The following ADGRG1 variants were observed in gnomAD, a reference collection of about 807,000 sequenced individuals.
ADGRG1 encodes adhesion G protein-coupled receptor G1.
In ADGRG1, 53 loss-of-function variants were observed where a neutral mutation model predicts 73.5. That is an observed-to-expected ratio of 0.72 (90% confidence interval 0.58 to 0.91). The LOEUF is 0.91. ADGRG1 is among the 40% of genes least tolerant of loss of function. ADGRG1 has a pLI of 0.00. For missense variants in ADGRG1, 795 were observed against 871.8 expected, an observed-to-expected ratio of 0.91 and a Z score of 1.11; for synonymous variants, 394 against 374.4, an observed-to-expected ratio of 1.05 and a Z score of -0.60.
At chr16:57,652,734 A>T (rs2044407660) in intron 3 of ADGRG1, 3 of 1,014,552 alleles carry the variant, frequency 3.0e-6, no homozygotes, top group Non-Finnish European at 3.5e-6. Flanking sequence ...TGTCTTCCTC[A>T]TCTGAGTCCC....
Position 57,650,709 on chromosome 16 carries a change from C to CTTTT in ADGRG1, c.64+372_64+375dup, listed in dbSNP as rs533496874. The stretch of plus-strand genomic sequence containing the variant: ...AATTACTATTCGTTTTCAGTTTCCT[C>CTTTT]TTTTTTTTTTTTTTTTTGAGACGGA... On this transcript the variant is annotated intron_variant, in intron 2 of 13. Transcript: ENST00000562631. Among the ~76,000 whole-genome samples the CTTTT allele has an allele frequency of 1.7e-3, 219 of 128,938 alleles. 3 individuals carry two copies. The highest frequency in any genetic ancestry group is 5.6e-3 in the African/African-American group (188 of 33,336). 84.6% of individuals were successfully genotyped at this position (128,938 alleles called of 152,430 possible). A position where few individuals can be genotyped will look rare whatever the true frequency, so the allele number is the denominator to read the frequency against.
chr16:57,657,588 TG>T (rs2046057496), intron 10 of ADGRG1, 97 bp downstream of exon 10: 1 of 952,082 alleles, frequency 1.1e-6, no homozygotes, highest in African/African-American at 1.6e-5. Context: ...CCCGCCCGCA[TG>T]ACCTGGAACT....
intron 1 of ADGRG1, among the ~76,000 whole-genome samples, chr16:57,644,561 A>G (rs2041873595): frequency 7.0e-6 from 1 of 143,336 alleles, no homozygotes; most frequent in African/African-American, 2.6e-5. Context: ...GCACACACGG[A>G]CACTTATGCA....
At chr16:57,620,520 C>T (rs1229132678), upstream of ADGRG1, among the ~76,000 whole-genome samples, 18 of 152,172 alleles carry the variant, frequency 1.2e-4, no homozygotes, top group Admixed American at 7.2e-4. Flanking sequence ...CTTTCCGCAG[C>T]GCCCTGAGCA....
In ADGRG1 at chr16:57,631,347, T is replaced by A. The variant is rs113118828; in HGVS notation, c.-36+2545T>A. 3.0e-4 allele frequency: 293 copies of A among 985,696 alleles called. No homozygotes were observed. The African/African-American group carries it at 4.9e-3, about 17-fold the overall frequency. The allele number at this position is 985,696 out of a possible 1,614,324, so 61.1% of individuals were successfully genotyped here. On this transcript the variant is annotated intron_variant, in intron 1 of 13. Coordinates refer to ENST00000562631, the MANE Select transcript of ADGRG1 (RefSeq NM_201525.4). ...CCGGACTGGGATGCGGGTTCCGCCA[T>A]CCTGTGCAGAAGCTGTGTGCAGGTG...
chr16:57,643,973 G>A (rs935743), intron 1 of ADGRG1: 148,837 of 983,792 alleles, frequency 0.15, 12,521 homozygotes, highest in African/African-American at 0.33. Flanking sequence ...TGAGCTGTTG[G>A]GTACATGCTA....
chr16:57,626,108 C>T (rs772299704), upstream of ADGRG1, among the ~76,000 whole-genome samples: 14 of 152,256 alleles, frequency 9.2e-5, no homozygotes, highest in East Asian at 3.9e-4. Context: ...TAGCAGGGGC[C>T]GGATATCTGG....
At chr16:57,660,267 T>C in intron 11 of ADGRG1, 1 of 985,360 alleles carries the variant, frequency 1.0e-6, no homozygotes, top group Non-Finnish European at 1.2e-6. Context: ...GGGTTTGTCA[T>C]TGGGCCCCTT....
In ADGRG1 at chr16:57,656,208, C is replaced by G. The variant is rs2045692887; in HGVS notation, c.1018-18C>G. On this transcript the variant is annotated intron_variant, in intron 7 of 13. Coordinates refer to ENST00000562631, the MANE Select transcript of ADGRG1 (RefSeq NM_201525.4). ...GGGGGGCTGTCACAGAAACCACTCT[C>G]CTTTCTTGTCCCTACAGAAGAATGT... 6.2e-7 allele frequency: 1 copy of G among 1,613,568 alleles called. No homozygotes were observed. Among genetic ancestry groups the G allele is most frequent in the African/African-American group, 1.3e-5 (1 of 74,874 alleles).
Position 57,663,708 on chromosome 16 carries a change from G to A in ADGRG1, c.*126G>A. ...AGACTTTGGAAAGCCCAACGACCATGGAGAGATGGGCCGTTGCCATGGTGG... is the reference window on the plus strand; with the variant it reads ...AGACTTTGGAAAGCCCAACGACCATAGAGAGATGGGCCGTTGCCATGGTGG... On this transcript the variant is annotated 3_prime_UTR_variant, in exon 14 of 14. Coordinates refer to ENST00000562631, the MANE Select transcript of ADGRG1 (RefSeq NM_201525.4). The A allele has an allele frequency of 9.4e-7, 1 of 1,068,730 alleles. No homozygotes were observed. Among genetic ancestry groups the A allele is most frequent in the South Asian group, 1.3e-5 (1 of 75,954 alleles). The allele number at this position is 1,068,730 out of a possible 1,614,324, so 66.2% of individuals were successfully genotyped here. A position where few individuals can be genotyped will look rare whatever the true frequency, so the allele number is the denominator to read the frequency against.
At position 57,642,464 on chromosome 16, in the gene ADGRG1, G is replaced by A. The variant is rs16958544; in HGVS notation, c.-35-7789G>A. 5,756 of 985,296 alleles carry A rather than the reference G, an allele frequency of 5.8e-3. 312 individuals are homozygous for A. The East Asian group carries it at 0.21, about 36-fold the overall frequency. 61.0% of individuals were successfully genotyped at this position (985,296 alleles called of 1,614,324 possible). On this transcript the variant is annotated intron_variant, in intron 1 of 13. Transcript: ENST00000562631. ...AGGTGCTGGCAGGCTTCTGTGTGGC[G>A]TCAAGATTTCTGAGAGCTTTTTTCC...
rs763676980 is a variant in ADGRG1 at position 57,654,145 on chromosome 16, G to A, written c.768+12G>A. On this transcript the variant is annotated intron_variant, in intron 5 of 13. Transcript: ENST00000562631. ...ACTCCCGGCAGGAGGTCAGGGGCAG[G>A]CCTGGGCAGGAAGCAGATGCGGGTT... 12 of 1,609,138 alleles carry A rather than the reference G, an allele frequency of 7.5e-6. No homozygotes were observed. Among genetic ancestry groups the A allele is most frequent in the Admixed American group, 1.7e-5 (1 of 59,990 alleles).
At chr16:57,625,479 A>T (rs140756542), upstream of ADGRG1, 6 of 684,686 alleles carry the variant, frequency 8.8e-6, no homozygotes, top group Admixed American at 3.8e-4. Flanking sequence ...CTTGGACCAA[A>T]GTCTCCTCCC....
In ADGRG1 at chr16:57,651,344, C is replaced by T; in HGVS notation, c.209C>T (p.Pro70Leu). 1 of 1,614,250 alleles carries T rather than the reference C, an allele frequency of 6.2e-7. No homozygotes were observed. The highest frequency in any genetic ancestry group is 1.3e-5 in the African/African-American group (1 of 75,070). Reference protein sequence around the residue: ...NSEEALTVHAPFPAAHPASRS... With the variant: ...NSEEALTVHALFPAAHPASRS... ...GAAGAGGCCCTCACAGTCCATGCCC[C>T]TTTCCCTGCAGCCCACCCTGCTTCC... is the stretch of plus-strand genomic sequence containing the variant. Residue 70 changes from proline to leucine, a missense_variant, in exon 3 of 14, where the codon CCT becomes CTT. Physicochemically the swap from Pro to Leu is moderately conservative, Grantham distance 98. Transcript: ENST00000562631.
chr16:57,636,297 C>G (rs935430740), intron 1 of ADGRG1: 1 of 985,346 alleles, frequency 1.0e-6, no homozygotes, highest in Non-Finnish European at 1.2e-6. Flanking sequence ...CAGACATCTT[C>G]TAATCCAGCA....
chr16:57,639,596 C>T lies in ADGRG1; in HGVS notation c.-35-10657C>T, dbSNP rs1385870526. 10 of 985,356 alleles carry T rather than the reference C, an allele frequency of 1.0e-5. No individual in the cohort carries two copies. The South Asian group carries it at 3.3e-4, about 32-fold the overall frequency. The allele number at this position is 985,356 out of a possible 1,614,324, so 61.0% of individuals were successfully genotyped here. On this transcript the variant is annotated intron_variant, in intron 1 of 13. Transcript: ENST00000562631. The stretch of plus-strand genomic sequence containing the variant: ...CACCAGCCCCGCAGGCTACTGCCTG[C>T]AAACAAGAACCCCTCATCTGCCACG...
At chr16:57,637,577 G>C in intron 1 of ADGRG1, 1 of 985,408 alleles carries the variant, frequency 1.0e-6, no homozygotes, top group Non-Finnish European at 1.2e-6. Flanking sequence ...GCCTTTCCGG[G>C]AGAAGGTTTC....
intron 1 of ADGRG1, chr16:57,646,900 G>T: frequency 1.0e-6 from 1 of 982,830 alleles, no homozygotes; most frequent in Non-Finnish European, 1.2e-6. Context: ...ACTCCCTCTG[G>T]CTCTGTGTGA....
intron 1 of ADGRG1, chr16:57,644,988 A>G (rs60142697): frequency 0.24 from 196,613 of 810,596 alleles, 24,378 homozygotes; most frequent in African/African-American, 0.34. Context: ...ACCCCCATGC[A>G]CACACACATG....
Sources: gnomAD v4.1 joint callset for allele counts (sites outside exome capture counted in the v4.1 genomes callset) on GRCh38, gnomAD v4.1.1 for gene constraint, MANE v1.5 for transcripts, NCBI Gene and HGNC (gene_info 2026-07-23, HGNC 2026-07-21) for gene names.